The following GNB3 variants were observed in gnomAD, a reference collection of about 807,000 sequenced individuals.
The protein encoded by GNB3 is guanine nucleotide-binding protein G(I)/G(S)/G(T) subunit beta-3.
GNB3 carries 33 observed loss-of-function variants against 41.2 expected under a neutral mutation model. The ratio of observed to expected loss-of-function variants is 0.80; its 90% CI spans 0.61 to 1.07. The LOEUF is 1.07. Among genes scored for constraint, GNB3 ranks in the 50% least tolerant of loss-of-function variants. The pLI is 0.00. For missense variants in GNB3, 409 were observed against 455.3 expected (o/e 0.90, Z 0.92); for synonymous variants, 172 against 173.4 (o/e 0.99, Z 0.06).
At chr12:6,841,844 G>A in intron 3 of GNB3, 1 of 692,720 alleles carries the variant, frequency 1.4e-6, no homozygotes, top group African/African-American at 1.7e-5. Flanking sequence ...CTCATCCGTA[G>A]AACAAGAGTG....
intron 2 of GNB3, 66 bp from the exon 3 acceptor site, chr12:6,841,520 C>T (rs1943573561): frequency 1.4e-6 from 2 of 1,403,256 alleles, no homozygotes; most frequent in Admixed American, 1.8e-5. Flanking sequence ...CCAACCTGCC[C>T]TGAAGGCCCA....
rs72653459 is a variant in GNB3 at position 6,841,959 on chromosome 12, T to C, written c.96+335T>C. The C allele has an allele frequency of 7.0e-3, 3,155 of 451,322 alleles. 197 individuals are homozygous for C. In the East Asian group the frequency reaches 0.13, roughly 18 times the overall value. The allele number at this position is 451,322 out of a possible 1,614,324, so 28.0% of individuals were successfully genotyped here. On this transcript the variant is annotated intron_variant, in intron 3 of 9. Transcript: ENST00000229264. ...TGCTAGTTTTCTATGCTGTATTTTG[T>C]CAATTCTAAGATGCACATTTCTTCA...
In GNB3 at chr12:6,841,322, A is replaced by C; in HGVS notation, c.35A>C (p.Glu12Ala). ...ATGGAGCAACTGCGTCAGGAAGCGGAGCAGCTCAAGAAGCAGATTGCAGTA... is the reference window on the plus strand; with the variant it reads ...ATGGAGCAACTGCGTCAGGAAGCGGCGCAGCTCAAGAAGCAGATTGCAGTA... Reference protein sequence around the residue: ...GEMEQLRQEAEQLKKQIADAR... With the variant: ...GEMEQLRQEAAQLKKQIADAR... Residue 12 changes from glutamate to alanine, a missense_variant, in exon 2 of 10, where the codon GAG (glutamate) becomes GCG (alanine). By Grantham distance (107) the Glu-to-Ala change is moderately radical. Coordinates refer to ENST00000229264, the MANE Select transcript of GNB3 (RefSeq NM_002075.4). 6 of 1,613,554 alleles carry C rather than the reference A, an allele frequency of 3.7e-6. No individual in the cohort carries two copies. Among genetic ancestry groups the C allele is most frequent in the Non-Finnish European group, 5.1e-6 (6 of 1,179,744 alleles).
intron 2 of GNB3, 73 bp downstream of exon 2, chr12:6,841,417 G>A (rs781896099): frequency 1.4e-6 from 2 of 1,406,388 alleles, no homozygotes; most frequent in Non-Finnish European, 2.0e-6. Context: ...CAGGGGGAGG[G>A]GGCTGGGTTT....
At chr12:6,846,487 TC>T (rs1192700647) in intron 9 of GNB3, 4 of 278,134 alleles carry the variant, frequency 1.4e-5, no homozygotes, top group Non-Finnish European at 2.7e-5. Context: ...ATCCCAGCCC[TC>T]CCCCAACCAA....
At chr12:6,841,054 G>C (rs1943564396) in intron 1 of GNB3, 21 bp downstream of exon 1, 2 of 582,380 alleles carry the variant, frequency 3.4e-6, no homozygotes, top group South Asian at 4.1e-5. Flanking sequence ...GCTGGCCTGG[G>C]CTCTGCTCTC....
Position 6,847,007 on chromosome 12 carries a change from A to G in GNB3, c.*109A>G. The G allele has an allele frequency of 1.5e-6, 1 of 683,844 alleles. No homozygotes were observed. The highest frequency in any genetic ancestry group is 1.7e-5 in the South Asian group (1 of 59,012). The allele number at this position is 683,844 out of a possible 1,614,324, so 42.4% of individuals were successfully genotyped here. On this transcript the variant is annotated 3_prime_UTR_variant, in exon 10 of 10. Transcript: ENST00000229264. Reference sequence around the variant, plus strand: ...CTATATTCCGGGTGCCATTCCCACTAAGCTTTCTCCTTTGAGGGCAGTGGG... The same window carrying G: ...CTATATTCCGGGTGCCATTCCCACTGAGCTTTCTCCTTTGAGGGCAGTGGG...
rs1432718669 is a variant in GNB3 at position 6,844,091 on chromosome 12, G to GTCTTTTTTTTTTTTTTTTTTTTTTTT, written c.699+114_699+115insCTTTTTTTTTTTTTTTTTTTTTTTTT. The GTCTTTTTTTTTTTTTTTTTTTTTTTT allele has an allele frequency of 4.3e-5, 11 of 253,438 alleles. 5 individuals carry two copies. The highest frequency in any genetic ancestry group is 3.9e-4 in the African/African-American group (9 of 23,258). 15.7% of individuals were successfully genotyped at this position (253,438 alleles called of 1,614,324 possible). A position where few individuals can be genotyped will look rare whatever the true frequency, so the allele number is the denominator to read the frequency against. ...ATAGCTTCCCTAGCCCTTTCTTACTGTATTTTTTTTTTTTTTTTTTTTTTT... is the reference window on the plus strand; with the variant it reads ...ATAGCTTCCCTAGCCCTTTCTTACTGTCTTTTTTTTTTTTTTTTTTTTTTTTTATTTTTTTTTTTTTTTTTTTTTTT... On this transcript the variant is annotated intron_variant, in intron 8 of 9. Transcript: ENST00000229264.
intron 8 of GNB3, chr12:6,845,289 TC>T: frequency 2.7e-6 from 1 of 370,192 alleles, no homozygotes; most frequent in Non-Finnish European, 5.0e-6. Context: ...TGGGACAACC[TC>T]CGTCCGCCCT....
intron 9 of GNB3, chr12:6,846,492 CA>C: frequency 3.5e-6 from 1 of 289,554 alleles, no homozygotes; most frequent in Non-Finnish European, 6.5e-6. Flanking sequence ...AGCCCTCCCC[CA>C]ACCAAAGCTC....
In GNB3 at chr12:6,843,039, G is replaced by C; in HGVS notation, c.166G>C (p.Ala56Pro). ...GCGGCGGACGTTAAGGGGACACCTG[G>C]CCAAGATTTACGCCATGCACTGGGC... is the stretch of plus-strand genomic sequence containing the variant. ...RTRRTLRGHL[A>P]KIYAMHWATD... Residue 56 changes from alanine (A) to proline (P), a missense_variant, in exon 4 of 10, where the codon GCC becomes CCC. Physicochemically the swap from Ala to Pro is conservative, Grantham distance 27. Coordinates refer to ENST00000229264, the MANE Select transcript of GNB3 (RefSeq NM_002075.4). The surrounding 1 kb of genome is among the most constrained non-coding windows in gnomAD (Gnocchi z 5.9). 6.3e-7 allele frequency: 1 copy of C among 1,585,588 alleles called. No individual in the cohort carries two copies. The highest frequency in any genetic ancestry group is 8.6e-7 in the Non-Finnish European group (1 of 1,160,774).
Position 6,843,354 on chromosome 12 carries a change from T to A in GNB3, c.268-9T>A, listed in dbSNP as rs1555123808. The A allele has an allele frequency of 6.2e-7, 1 of 1,613,636 alleles. No individual in the cohort carries two copies. Among genetic ancestry groups the A allele is most frequent in the East Asian group, 2.2e-5 (1 of 44,872 alleles). ...GGTCCCATCTCTGCTCAAACCACCC[T>A]CCCTGCAGGTGCACGCCATCCCACT... On this transcript the variant is annotated splice_polypyrimidine_tract_variant and intron_variant, in intron 5 of 9. Transcript: ENST00000229264. The surrounding 1 kb of genome is among the most constrained non-coding windows in gnomAD (Gnocchi z 5.9).
In GNB3 at chr12:6,844,028, C is replaced by A. The variant is rs1449731599; in HGVS notation, c.699+50C>A. 5 of 1,307,912 alleles carry A rather than the reference C, an allele frequency of 3.8e-6. No individual in the cohort carries two copies. In the Admixed American group the frequency reaches 5.3e-5, roughly 14 times the overall value. The allele number at this position is 1,307,912 out of a possible 1,614,324, so 81.0% of individuals were successfully genotyped here. A position where few individuals can be genotyped will look rare whatever the true frequency, so the allele number is the denominator to read the frequency against. ...TCACTCCAACTCCTTCCCCGACACT[C>A]CCCACAACACATACAATACACATCC... On this transcript the variant is annotated intron_variant, in intron 8 of 9. Coordinates refer to ENST00000229264, the MANE Select transcript of GNB3 (RefSeq NM_002075.4).
In GNB3 at chr12:6,847,268, C is replaced by T. The variant is rs912662475; in HGVS notation, c.*370C>T. 2.7e-5 allele frequency: 7 copies of T among 254,936 alleles called. No individual in the cohort carries two copies. In the South Asian group the frequency reaches 3.0e-4, roughly 11 times the overall value. 15.8% of individuals were successfully genotyped at this position (254,936 alleles called of 1,614,324 possible). ...TTGTCCAGGCCTGGGTGGTATAGGGCGTTTGGCCCTGTGACTATGGCTCTG... is the reference window on the plus strand; with the variant it reads ...TTGTCCAGGCCTGGGTGGTATAGGGTGTTTGGCCCTGTGACTATGGCTCTG... On this transcript the variant is annotated 3_prime_UTR_variant, in exon 10 of 10. Coordinates refer to ENST00000229264, the MANE Select transcript of GNB3 (RefSeq NM_002075.4).
At chr12:6,846,582 G>A (rs782571202) in intron 9 of GNB3, 5 of 458,344 alleles carry the variant, frequency 1.1e-5, no homozygotes, top group Admixed American at 1.1e-4. Context: ...CCAGTCTACC[G>A]AGTCTAGGAT....
chr12:6,846,955 G>T lies in GNB3; in HGVS notation c.*57G>T. On this transcript the variant is annotated 3_prime_UTR_variant, in exon 10 of 10. Transcript: ENST00000229264. ...GAACACACTCAGCAGCCCCCTGCCC[G>T]ACCCCATCTCATTCAGGTGTTCTCT... The T allele has an allele frequency of 1.1e-6, 1 of 947,652 alleles. No homozygotes were observed. Among genetic ancestry groups the T allele is most frequent in the South Asian group, 1.4e-5 (1 of 71,446 alleles). The allele number at this position is 947,652 out of a possible 1,614,324, so 58.7% of individuals were successfully genotyped here. A position where few individuals can be genotyped will look rare whatever the true frequency, so the allele number is the denominator to read the frequency against.
At chr12:6,844,774 T>TAC (rs1248137974) in intron 8 of GNB3, 2 of 152,218 alleles carry the variant, frequency 1.3e-5, no homozygotes, top group African/African-American at 4.8e-5. Flanking sequence ...TAGCCATAGA[T>TAC]ACACACACAC....
rs1432718669 is a variant in GNB3 at position 6,844,091 on chromosome 12, G to GTCTTTTTTTTTTTTTTTTTTTTTTT, written c.699+114_699+115insCTTTTTTTTTTTTTTTTTTTTTTTT. The GTCTTTTTTTTTTTTTTTTTTTTTTT allele has an allele frequency of 5.9e-5, 15 of 253,438 alleles. 4 individuals carry two copies. The highest frequency in any genetic ancestry group is 3.0e-4 in the African/African-American group (7 of 23,258). The allele number at this position is 253,438 out of a possible 1,614,324, so 15.7% of individuals were successfully genotyped here. A position where few individuals can be genotyped will look rare whatever the true frequency, so the allele number is the denominator to read the frequency against. ...ATAGCTTCCCTAGCCCTTTCTTACT[G>GTCTTTTTTTTTTTTTTTTTTTTTTT]TATTTTTTTTTTTTTTTTTTTTTTT... On this transcript the variant is annotated intron_variant, in intron 8 of 9. Coordinates refer to ENST00000229264, the MANE Select transcript of GNB3 (RefSeq NM_002075.4).
rs782269273 is a variant in GNB3, at chr12:6,842,906, G to T, written c.97-64G>T. ...GAGCGGGAACTTGTATAGATCAGTGGCAGTGACAGACATCTGGGCACGTAA... is the reference window on the plus strand; with the variant it reads ...GAGCGGGAACTTGTATAGATCAGTGTCAGTGACAGACATCTGGGCACGTAA... On this transcript the variant is annotated intron_variant, in intron 3 of 9. Transcript: ENST00000229264. 3.1e-4 allele frequency: 323 copies of T among 1,031,888 alleles called. 1 individual carries two copies. In the African/African-American group the frequency reaches 4.8e-3, roughly 15 times the overall value. 63.9% of individuals were successfully genotyped at this position (1,031,888 alleles called of 1,614,324 possible).
Sources: gnomAD v4.1 joint callset for allele counts on GRCh38, gnomAD v4.1.1 for gene constraint, Gnocchi (gnomAD v3.1) non-coding constraint, MANE v1.5 for transcripts, NCBI Gene and HGNC (gene_info 2026-07-23, HGNC 2026-07-21) for gene names.